TRDN: variants seen among roughly 807,000 people sequenced by gnomAD.
The protein encoded by TRDN is triadin in skeletal muscle.
Under a neutral mutation model 149.7 loss-of-function variants are expected in TRDN, and 161 were observed. That is an observed-to-expected ratio of 1.08 (90% CI 0.95 to 1.23). The LOEUF is 1.23. TRDN is among the 50% of genes most tolerant of loss of function. The pLI is 0.00. For synonymous variants in TRDN, 294 were observed against 250.5 expected, an observed-to-expected ratio of 1.17 and a Z score of -1.64; for missense variants, 896 against 823.5, an observed-to-expected ratio of 1.09 and a Z score of -1.08.
intron 24 of TRDN, among the ~76,000 whole-genome samples, chr6:123,288,925 T>G (rs557283345): frequency 5.1e-4 from 78 of 151,840 alleles, no homozygotes; most frequent in African/African-American, 1.9e-3. Flanking sequence ...GTCAGAGAGA[T>G]ATTTGAACTC....
chr6:123,221,564 A>G (rs923397462), intron 39 of TRDN, 42 bp from the exon 40 acceptor site: 3 of 1,337,890 alleles, frequency 2.2e-6, no homozygotes, highest in African/African-American at 1.5e-5. Flanking sequence ...TTGTACATTT[A>G]CAACTTTTAT....
intron 40 of TRDN, among the ~76,000 whole-genome samples, chr6:123,220,395 T>C (rs1392577173): frequency 1.3e-5 from 2 of 151,848 alleles, no homozygotes; most frequent in Non-Finnish European, 2.9e-5. Flanking sequence ...TTATGTGACA[T>C]AGCCACAAAT....
intron 26 of TRDN, among the ~76,000 whole-genome samples, chr6:123,276,179 C>T (rs1777360927): frequency 6.6e-6 from 1 of 151,964 alleles, no homozygotes; most frequent in Admixed American, 6.6e-5. Context: ...ACAGGTAACA[C>T]ATAAATTTTG....
intron 24 of TRDN, among the ~76,000 whole-genome samples, chr6:123,301,572 T>C (rs1463568081): frequency 6.6e-6 from 1 of 151,582 alleles, no homozygotes; most frequent in Non-Finnish European, 1.5e-5. Flanking sequence ...ATTAATTGAT[T>C]GATTGCTCCA....
chr6:123,252,539 T>A, intron 37 of TRDN, 104 bp from the exon 38 acceptor site: 1 of 595,940 alleles, frequency 1.7e-6, no homozygotes, highest in Non-Finnish European at 2.9e-6. Flanking sequence ...GTTTCTTGCT[T>A]ATTATTTAAG....
intron 1 of TRDN, among the ~76,000 whole-genome samples, chr6:123,585,288 G>A (rs1425094871): frequency 2.0e-5 from 3 of 151,798 alleles, no homozygotes; most frequent in South Asian, 4.2e-4. Context: ...GGGCAGGTGG[G>A]GATAATTAAA....
At chr6:123,442,705 C>T (rs1305172235) in intron 10 of TRDN, among the ~76,000 whole-genome samples, 1 of 152,078 alleles carries the variant, frequency 6.6e-6, no homozygotes, top group Non-Finnish European at 1.5e-5. Context: ...AATCTGACCA[C>T]ATATAATCTT....
intron 21 of TRDN, among the ~76,000 whole-genome samples, chr6:123,341,707 A>T (rs533395309): frequency 9.2e-5 from 14 of 152,128 alleles, no homozygotes; most frequent in African/African-American, 3.4e-4. Flanking sequence ...TATATTTAAC[A>T]TATTTAGGGG....
intron 23 of TRDN, among the ~76,000 whole-genome samples, chr6:123,327,019 CTGAATGTT>C (rs1779482363): frequency 6.6e-6 from 1 of 151,922 alleles, no homozygotes; most frequent in Non-Finnish European, 1.5e-5. Context: ...CTCTATTTTC[CTGAATGTT>C]TGAAGTTTGT....
In TRDN at chr6:123,530,563, T is replaced by C; in HGVS notation, c.427A>G (p.Ile143Val). The C allele has an allele frequency of 8.0e-7, 1 of 1,245,662 alleles. No homozygotes were observed. The highest frequency in any genetic ancestry group is 1.1e-6 in the Non-Finnish European group (1 of 929,442). 77.2% of individuals were successfully genotyped at this position (1,245,662 alleles called of 1,614,324 possible). A position where few individuals can be genotyped will look rare whatever the true frequency, so the allele number is the denominator to read the frequency against. Residue 143 changes from isoleucine to valine, a missense_variant and splice_region_variant, in exon 5 of 41, where the codon ATA becomes GTA. Physicochemically the swap from Ile to Val is conservative, Grantham distance 29. Coordinates refer to ENST00000334268, the MANE Select transcript of TRDN (RefSeq NM_006073.4). ...IDEPPLRKKE[I>V]HKDKTEKQEK... ...TGTTTTTCAGTCTTATCTTTGTGTA[T>C]TTCTAAGAAAAAATAGAATTTATAA...
intron 29 of TRDN, 140 bp from the exon 30 acceptor site, chr6:123,271,326 T>G (rs549976529): frequency 7.6e-6 from 4 of 524,092 alleles, no homozygotes; most frequent in African/African-American, 3.9e-5. Context: ...CAAAAACATC[T>G]TCTATTCAAA....
intron 18 of TRDN, among the ~76,000 whole-genome samples, chr6:123,376,965 G>A (rs1781533513): frequency 6.6e-6 from 1 of 152,114 alleles, no homozygotes; most frequent in Admixed American, 6.6e-5. Flanking sequence ...AGAGGTGATA[G>A]TTTTAAATGA....
intron 9 of TRDN, among the ~76,000 whole-genome samples, chr6:123,466,206 C>T (rs895090599): frequency 1.3e-5 from 2 of 152,044 alleles, no homozygotes; most frequent in African/African-American, 2.4e-5. Context: ...CATAATATAA[C>T]ATGGAAGTTT....
At chr6:123,452,165 C>A (rs1775815269) in intron 10 of TRDN, among the ~76,000 whole-genome samples, 8 of 152,064 alleles carry the variant, frequency 5.3e-5, no homozygotes, top group Admixed American at 5.2e-4. Context: ...AAGTTGAAAG[C>A]ATTCCCTCTG....
chr6:123,560,334 A>G (rs1781917903), intron 2 of TRDN, among the ~76,000 whole-genome samples: 7 of 152,142 alleles, frequency 4.6e-5, no homozygotes, highest in African/African-American at 7.2e-5. Context: ...ATCAATATTT[A>G]TACTGACTCT....
chr6:123,284,006 A>ATATATATATATATAT (rs1427267027), intron 24 of TRDN, among the ~76,000 whole-genome samples: 24 of 119,452 alleles, frequency 2.0e-4, no homozygotes, highest in South Asian at 5.2e-4. Context: ...ATATATATGT[A>ATATATATATATATAT]ACAAACCTGC....
chr6:123,590,005 T>G (rs1446378456), intron 1 of TRDN, among the ~76,000 whole-genome samples: 1 of 152,160 alleles, frequency 6.6e-6, no homozygotes, highest in Non-Finnish European at 1.5e-5. Context: ...ATAAGGAAAT[T>G]TCCATCCATT....
intron 24 of TRDN, among the ~76,000 whole-genome samples, chr6:123,282,017 C>T (rs1055574012): frequency 6.6e-6 from 1 of 151,674 alleles, no homozygotes; most frequent in African/African-American, 2.4e-5. Context: ...TATCCTGGGC[C>T]CTAATCCAAT....
chr6:123,456,146 T>TA (rs1583061654), intron 10 of TRDN, among the ~76,000 whole-genome samples: 1 of 152,194 alleles, frequency 6.6e-6, no homozygotes, highest in African/African-American at 2.4e-5. Flanking sequence ...GACTTTAAAA[T>TA]AAAAAATTAC....
Sources: gnomAD v4.1 joint callset for allele counts (sites outside exome capture counted in the v4.1 genomes callset) on GRCh38, gnomAD v4.1.1 for gene constraint, MANE v1.5 for transcripts, NCBI Gene and HGNC (gene_info 2026-07-23, HGNC 2026-07-21) for gene names.